DNAJC8: variants seen among roughly 807,000 people sequenced by gnomAD.
DNAJC8 encodes the protein dnaJ homolog subfamily C member 8.
Under a neutral mutation model 43.2 loss-of-function variants are expected in DNAJC8, and 24 were observed. That is an observed-to-expected ratio of 0.56 (90% CI 0.40 to 0.78). The LOEUF is 0.78. Among genes scored for constraint, DNAJC8 ranks in the 30% least tolerant of loss-of-function variants. The pLI, the probability that DNAJC8 is intolerant of heterozygous loss-of-function variation, is 0.00. For missense variants in DNAJC8, 207 were observed against 299.4 expected, an observed-to-expected ratio of 0.69 and a Z score of 2.28; for synonymous variants, 83 against 98.0, an observed-to-expected ratio of 0.85 and a Z score of 0.90.
intron 2 of DNAJC8, among the ~76,000 whole-genome samples, chr1:28,221,301 T>C (rs1646896758): frequency 1.3e-5 from 2 of 151,914 alleles, no homozygotes; most frequent in South Asian, 4.1e-4. Context: ...ATCGTGCCCC[T>C]GCACTCCAGC....
At chr1:28,216,831 G>A (rs1340244717) in intron 2 of DNAJC8, among the ~76,000 whole-genome samples, 3 of 144,992 alleles carry the variant, frequency 2.1e-5, no homozygotes, top group African/African-American at 2.6e-5. Flanking sequence ...TTTTTGAGAC[G>A]GAGTTTTGCT....
At chr1:28,215,721 G>T (rs1377720752) in intron 2 of DNAJC8, among the ~76,000 whole-genome samples, 2 of 152,144 alleles carry the variant, frequency 1.3e-5, no homozygotes, top group African/African-American at 4.8e-5. Context: ...AATTTTAGTA[G>T]ACACAGGGTT....
intron 6 of DNAJC8, 60 bp from the exon 7 acceptor site, chr1:28,205,409 C>A (rs1646762045): frequency 5.3e-6 from 7 of 1,326,056 alleles, no homozygotes; most frequent in Non-Finnish European, 6.4e-6. Context: ...GCAACTTGAA[C>A]CATGTACTTT....
At chr1:28,204,012 T>C (rs1646753620) in intron 7 of DNAJC8, among the ~76,000 whole-genome samples, 190 bp from the exon 8 acceptor site, 1 of 152,188 alleles carries the variant, frequency 6.6e-6, no homozygotes, top group Admixed American at 6.5e-5. Flanking sequence ...CAGATCAGAC[T>C]TGGGCATGGC....
At chr1:28,213,435 G>A (rs1646828899) in intron 3 of DNAJC8, among the ~76,000 whole-genome samples, 1 of 152,008 alleles carries the variant, frequency 6.6e-6, no homozygotes. Context: ...AATGGGATAT[G>A]ATTACGTAGA....
intron 2 of DNAJC8, among the ~76,000 whole-genome samples, chr1:28,225,618 G>T (rs762368083): frequency 8.6e-5 from 13 of 150,732 alleles, no homozygotes; most frequent in Non-Finnish European, 1.8e-4. Flanking sequence ...AAAAATTTCT[G>T]AATATGAACA....
intron 2 of DNAJC8, among the ~76,000 whole-genome samples, chr1:28,215,283 T>C (rs1039949660): frequency 1.1e-4 from 17 of 152,314 alleles, no homozygotes; most frequent in Admixed American, 6.5e-5. Flanking sequence ...TGAGAAAATT[T>C]TGCATTTCTC....
In DNAJC8 at chr1:28,225,152, T is replaced by A. The variant is rs572965297; in HGVS notation, c.180+3770A>T. Among the ~76,000 whole-genome samples, 41 of 151,250 alleles carry A rather than the reference T, an allele frequency of 2.7e-4. 3 individuals carry two copies. The highest frequency in any genetic ancestry group is 5.8e-4 in the Non-Finnish European group (39 of 67,682). On this transcript the variant is annotated intron_variant, in intron 2 of 8. Transcript: ENST00000263697. ...GACTTTTTTGGGACAATTAGTAAAA[T>A]TTGAATGGGGTCTGATGATTTACAT...
Position 28,200,284 on chromosome 1 carries a change from A to C in DNAJC8, c.*964T>G. On this transcript the variant is annotated 3_prime_UTR_variant, in exon 9 of 9. Transcript: ENST00000263697. Reference sequence around the variant, plus strand: ...TAGACTGTGAGCTGGACGCTTTCATATATTACTTCATTTAATCCTCAAAAC... The same window carrying C: ...TAGACTGTGAGCTGGACGCTTTCATCTATTACTTCATTTAATCCTCAAAAC... 2.8e-6 allele frequency: 1 copy of C among 357,428 alleles called. No individual in the cohort carries two copies. Among genetic ancestry groups the C allele is most frequent in the East Asian group, 7.3e-5 (1 of 13,616 alleles). The allele number at this position is 357,428 out of a possible 1,614,324, so 22.1% of individuals were successfully genotyped here.
intron 4 of DNAJC8, 21 bp downstream of exon 4, chr1:28,210,550 A>T: frequency 2.5e-6 from 4 of 1,607,352 alleles, no homozygotes; most frequent in Non-Finnish European, 3.4e-6. Flanking sequence ...AATACTCAGA[A>T]GCAGGTAAAT....
In DNAJC8 at chr1:28,233,029, T is replaced by C. The variant is rs1390480905; in HGVS notation, c.-31A>G. 1 of 1,608,016 alleles carries C rather than the reference T, an allele frequency of 6.2e-7. No homozygotes were observed. Among genetic ancestry groups the C allele is most frequent in the Non-Finnish European group, 8.5e-7 (1 of 1,179,546 alleles). Reference sequence around the variant, plus strand: ...CGGCCCAGCCACCACGTGACCCTTCTGCGCAGGCGTCGCCTCACGTGATTC... The same window carrying C: ...CGGCCCAGCCACCACGTGACCCTTCCGCGCAGGCGTCGCCTCACGTGATTC... On this transcript the variant is annotated 5_prime_UTR_variant, in exon 1 of 9. Transcript: ENST00000263697.
chr1:28,210,801 C>G (rs1216775282), intron 3 of DNAJC8, among the ~76,000 whole-genome samples, 164 bp from the exon 4 acceptor site: 2 of 152,136 alleles, frequency 1.3e-5, no homozygotes, highest in Admixed American at 6.6e-5. Context: ...CCCAGAAATA[C>G]TGATCTTTAA....
rs527486938 is a variant in DNAJC8 at position 28,213,795 on chromosome 1, A to G, written c.237+1145T>C. On this transcript the variant is annotated intron_variant, in intron 3 of 8. Transcript: ENST00000263697. Reference sequence around the variant, plus strand: ...CACTTTGAGAGGCTGAGGCCAGCAGATCGCTTGAGCCCAGAATTGAGACCA... The same window carrying G: ...CACTTTGAGAGGCTGAGGCCAGCAGGTCGCTTGAGCCCAGAATTGAGACCA... Among the ~76,000 whole-genome samples, 5 of 152,268 alleles carry G rather than the reference A, an allele frequency of 3.3e-5. 1 individual carries two copies. The highest frequency in any genetic ancestry group is 1.2e-4 in the African/African-American group (5 of 41,558).
In DNAJC8 at chr1:28,216,211, A is replaced by G. The variant is rs540073285; in HGVS notation, c.181-1215T>C. Among the ~76,000 whole-genome samples, 279 of 152,258 alleles carry G rather than the reference A, an allele frequency of 1.8e-3. 1 individual carries two copies. Among genetic ancestry groups the G allele is most frequent in the African/African-American group, 6.5e-3 (272 of 41,546 alleles). On this transcript the variant is annotated intron_variant, in intron 2 of 8. Coordinates refer to ENST00000263697, the MANE Select transcript of DNAJC8 (RefSeq NM_014280.3). ...TAAAAATACAATATTAGCCAGGCGT[A>G]GTGGCGCATGAAAATGAGAATTTTC...
intron 2 of DNAJC8, among the ~76,000 whole-genome samples, chr1:28,227,898 A>G (rs187480390): frequency 2.1e-3 from 319 of 152,346 alleles, no homozygotes; most frequent in African/African-American, 7.3e-3. Flanking sequence ...TTTGCAACAA[A>G]TATGATTTAC....
At chr1:28,209,174 C>T (rs888778446) in intron 5 of DNAJC8, among the ~76,000 whole-genome samples, 4 of 152,164 alleles carry the variant, frequency 2.6e-5, no homozygotes, top group Admixed American at 1.3e-4. Context: ...CCTACAAGTG[C>T]CATTTCCAAC....
At chr1:28,203,314 ACT>A (rs1398035550) in intron 8 of DNAJC8, among the ~76,000 whole-genome samples, 2 of 152,100 alleles carry the variant, frequency 1.3e-5, no homozygotes, top group African/African-American at 4.8e-5. Flanking sequence ...AAAGGTTCTA[ACT>A]CTCTCTGCAG....
chr1:28,216,808 CTTTTTTT>C (rs1178044559), intron 2 of DNAJC8, among the ~76,000 whole-genome samples: 1 of 131,102 alleles, frequency 7.6e-6, no homozygotes. Flanking sequence ...GGGGCGATTT[CTTTTTTT>C]TTTTTTTTTT....
At chr1:28,227,104 C>CTTTTTTTTT (rs375175168) in intron 2 of DNAJC8, among the ~76,000 whole-genome samples, 5 of 95,138 alleles carry the variant, frequency 5.3e-5, no homozygotes, top group Admixed American at 1.3e-4. Context: ...CTCTCTCTCT[C>CTTTTTTTTT]TTTTTTTTTT....
Sources: allele counts gnomAD v4.1 joint callset (sites outside exome capture counted in the v4.1 genomes callset), GRCh38; gene constraint gnomAD v4.1.1; transcripts MANE v1.5; gene names NCBI Gene and HGNC (gene_info 2026-07-23, HGNC 2026-07-21).